The following LRRTM4 variants were observed in gnomAD, a reference collection of about 807,000 sequenced individuals.
LRRTM4 encodes the protein leucine-rich repeat transmembrane neuronal protein 4.
LRRTM4 carries 25 observed loss-of-function variants against 47.6 expected under a neutral mutation model. The ratio of observed to expected loss-of-function variants is 0.53; its 90% CI spans 0.38 to 0.73. The LOEUF (loss-of-function observed/expected upper bound fraction) is 0.73. LRRTM4 is among the 30% of genes least tolerant of loss of function. The pLI is 0.00. For synonymous variants in LRRTM4, 311 were observed against 269.5 expected, an observed-to-expected ratio of 1.15 and a Z score of -1.51; for missense variants, 638 against 713.4, an observed-to-expected ratio of 0.89 and a Z score of 1.20.
chr2:77,460,925 A>AT (rs1248724144), intron 3 of LRRTM4, among the ~76,000 whole-genome samples: 2 of 152,062 alleles, frequency 1.3e-5, no homozygotes, highest in Admixed American at 6.6e-5. Flanking sequence ...CAAGCCTGAC[A>AT]TTTTTTAAAC....
intron 3 of LRRTM4, among the ~76,000 whole-genome samples, chr2:77,002,138 T>C (rs1677454370): frequency 1.3e-5 from 2 of 152,180 alleles, no homozygotes; most frequent in South Asian, 2.1e-4. Flanking sequence ...CAAATAATAT[T>C]GTGAGTCCCC....
At chr2:77,089,272 G>C (rs1376593056) in intron 3 of LRRTM4, among the ~76,000 whole-genome samples, 1 of 74,804 alleles carries the variant, frequency 1.3e-5, no homozygotes, top group South Asian at 4.6e-4. Context: ...TTTTCTGGGA[G>C]GGGGCAAGTA....
chr2:77,378,565 A>G (rs979638167), intron 3 of LRRTM4, among the ~76,000 whole-genome samples: 3 of 152,082 alleles, frequency 2.0e-5, no homozygotes, highest in African/African-American at 7.2e-5. Context: ...CCTGGGACCT[A>G]ATTTAGGCAT....
chr2:77,049,122 T>TTTTATATA (rs1553377413), intron 3 of LRRTM4, among the ~76,000 whole-genome samples: 2 of 62,698 alleles, frequency 3.2e-5, no homozygotes, highest in Non-Finnish European at 5.4e-5. Flanking sequence ...ATTTCATTTT[T>TTTTATATA]TATATATATA....
At chr2:76,845,441 G>T (rs538081801) in intron 3 of LRRTM4, among the ~76,000 whole-genome samples, 1 of 152,064 alleles carries the variant, frequency 6.6e-6, no homozygotes, top group African/African-American at 2.4e-5. Context: ...GAAGTGAGGG[G>T]AGATCTCATT....
chr2:77,385,523 TGAGG>T (rs1673225972), intron 3 of LRRTM4, among the ~76,000 whole-genome samples: 1 of 152,112 alleles, frequency 6.6e-6, no homozygotes, highest in Non-Finnish European at 1.5e-5. Context: ...ACGGCACTGA[TGAGG>T]TTTAAAATAG....
chr2:76,940,379 C>G (rs764641733), intron 3 of LRRTM4, among the ~76,000 whole-genome samples: 1 of 151,936 alleles, frequency 6.6e-6, no homozygotes, highest in Non-Finnish European at 1.5e-5. Context: ...AGCAAACTGA[C>G]GCAGGAACAG....
chr2:76,917,081 C>G (rs1473784993), intron 3 of LRRTM4, among the ~76,000 whole-genome samples: 1 of 152,000 alleles, frequency 6.6e-6, no homozygotes, highest in Non-Finnish European at 1.5e-5. Flanking sequence ...GGTTGGCTAC[C>G]TTTTTCTGCA....
intron 3 of LRRTM4, among the ~76,000 whole-genome samples, chr2:77,167,162 C>G (rs1055574418): frequency 6.6e-6 from 1 of 152,076 alleles, no homozygotes; most frequent in African/African-American, 2.4e-5. Context: ...AGACACTTCT[C>G]AAAAAAGACA....
intron 3 of LRRTM4, among the ~76,000 whole-genome samples, chr2:76,934,271 T>A (rs1229614641): frequency 2.6e-5 from 4 of 152,164 alleles, no homozygotes; most frequent in Admixed American, 2.6e-4. Context: ...TATGTATAAC[T>A]TTATCAGACA....
At chr2:77,096,189 A>G (rs1670807985) in intron 3 of LRRTM4, among the ~76,000 whole-genome samples, 1 of 151,734 alleles carries the variant, frequency 6.6e-6, no homozygotes, top group African/African-American at 2.4e-5. Context: ...AAAGATAGTG[A>G]CTAAAAATTG....
At chr2:77,048,622 T>G (rs1361663159) in intron 3 of LRRTM4, among the ~76,000 whole-genome samples, 3 of 151,988 alleles carry the variant, frequency 2.0e-5, no homozygotes, top group Non-Finnish European at 4.4e-5. Context: ...AGTTTGAATT[T>G]TTCTTATTAT....
chr2:77,222,435 A>T (rs1022729124), intron 3 of LRRTM4, among the ~76,000 whole-genome samples: 3 of 152,206 alleles, frequency 2.0e-5, no homozygotes, highest in Non-Finnish European at 4.4e-5. Context: ...TTTTGAAAAG[A>T]TCAACAAAAT....
At chr2:77,184,714 T>C (rs1673450281) in intron 3 of LRRTM4, among the ~76,000 whole-genome samples, 1 of 152,126 alleles carries the variant, frequency 6.6e-6, no homozygotes, top group African/African-American at 2.4e-5. Flanking sequence ...GAAAAACTGA[T>C]ATCTACATAA....
chr2:77,031,191 G>C (rs1678642644), intron 3 of LRRTM4, among the ~76,000 whole-genome samples: 1 of 151,926 alleles, frequency 6.6e-6, no homozygotes, highest in South Asian at 2.1e-4. Flanking sequence ...TTTAACTATT[G>C]TTTGTTTACA....
intron 3 of LRRTM4, among the ~76,000 whole-genome samples, chr2:76,840,771 A>T (rs1671650898): frequency 6.6e-6 from 1 of 152,132 alleles, no homozygotes; most frequent in Non-Finnish European, 1.5e-5. Context: ...ATTTACAGGA[A>T]ACAACAGGTG....
chr2:76,777,203 G>A (rs577495329), intron 3 of LRRTM4, among the ~76,000 whole-genome samples: 23 of 150,880 alleles, frequency 1.5e-4, no homozygotes, highest in African/African-American at 5.4e-4. Context: ...GATGCATCCA[G>A]CTTTGTTCTT....
At chr2:77,299,359 A>G (rs990318622) in intron 3 of LRRTM4, among the ~76,000 whole-genome samples, 2 of 151,218 alleles carry the variant, frequency 1.3e-5, no homozygotes, top group Admixed American at 1.3e-4. Flanking sequence ...ATATGTATAT[A>G]TGTGTGTATA....
chr2:77,086,271 ACTGGTT>A (rs1444570593), intron 3 of LRRTM4, among the ~76,000 whole-genome samples: 1 of 152,184 alleles, frequency 6.6e-6, no homozygotes, highest in African/African-American at 2.4e-5. Flanking sequence ...GAGGATCACA[ACTGGTT>A]CAGGTCTAAC....
Sources: gnomAD v4.1 joint callset for allele counts (sites outside exome capture counted in the v4.1 genomes callset) on GRCh38, gnomAD v4.1.1 for gene constraint, MANE v1.5 for transcripts, NCBI Gene and HGNC (gene_info 2026-07-23, HGNC 2026-07-21) for gene names.